Variants in ZNF362 observed in about 807,000 individuals in gnomAD.
The protein encoded by ZNF362 is rotund homolog.
ZNF362 carries 11 observed loss-of-function variants against 42.9 expected under a neutral mutation model. That is an observed-to-expected ratio of 0.26 (90% CI 0.16 to 0.42). The LOEUF is 0.42. ZNF362 is among the 20% of genes least tolerant of loss of function. The pLI is 1.00. For synonymous variants in ZNF362, 255 were observed against 257.3 expected (o/e 0.99, Z 0.09); for missense variants, 362 against 576.2 (o/e 0.63, Z 3.81).
At chr1:33,227,619 C>G in the ZNF362 span, among the ~76,000 whole-genome samples, 1 of 152,156 alleles carries the variant, frequency 6.6e-6, no homozygotes, top group Admixed American at 6.5e-5. Flanking sequence ...TAAACCATTC[C>G]TACAGTGCTC....
the ZNF362 span, chr1:33,176,625 G>A: frequency 2.0e-6 from 1 of 507,556 alleles, no homozygotes; most frequent in African/African-American, 1.9e-5. Context: ...GGCGTCAGCT[G>A]GCACAGATGG....
the ZNF362 span, among the ~76,000 whole-genome samples, chr1:33,170,766 C>T: frequency 6.6e-6 from 1 of 152,190 alleles, no homozygotes; most frequent in East Asian, 1.9e-4. Flanking sequence ...CTGGCTCTAC[C>T]ACCCATTGGG....
In ZNF362 at chr1:33,294,866, A is replaced by C; in HGVS notation, c.909-71A>C. 6.4e-7 allele frequency: 1 copy of C among 1,558,564 alleles called. No individual in the cohort carries two copies. Among genetic ancestry groups the C allele is most frequent in the Non-Finnish European group, 8.8e-7 (1 of 1,131,096 alleles). On this transcript the variant is annotated intron_variant, in intron 6 of 8. Coordinates refer to ENST00000539719, the MANE Select transcript of ZNF362 (RefSeq NM_152493.3). This position sits in a 1 kb window ranked among gnomAD's most constrained non-coding sequence, Gnocchi z 4.2. Reference sequence around the variant, plus strand: ...ACCGAGAGGCTTAGGGGCCAGAGTAAGGACTTGGGAACTGGAGCGGTCTTG... The same window carrying C: ...ACCGAGAGGCTTAGGGGCCAGAGTACGGACTTGGGAACTGGAGCGGTCTTG...
chr1:33,174,945 G>GTGTGTATA, the ZNF362 span, among the ~76,000 whole-genome samples: 54 of 141,740 alleles, frequency 3.8e-4, no homozygotes, highest in African/African-American at 1.5e-3. Context: ...ATATATGTGT[G>GTGTGTATA]TATATATATA....
the ZNF362 span, among the ~76,000 whole-genome samples, chr1:33,202,900 T>C: frequency 2.0e-5 from 3 of 152,206 alleles, no homozygotes; most frequent in African/African-American, 4.8e-5. Flanking sequence ...AATATGATGT[T>C]TGGTATACAT....
At chr1:33,160,050 G>A in the ZNF362 span, 1 of 1,441,954 alleles carries the variant, frequency 6.9e-7, no homozygotes, top group Non-Finnish European at 9.4e-7. Context: ...GAAAGGGTGG[G>A]AAAGGGCACG....
At chr1:33,242,194 C>T in the ZNF362 span, among the ~76,000 whole-genome samples, 1 of 152,012 alleles carries the variant, frequency 6.6e-6, no homozygotes, top group African/African-American at 2.4e-5. Flanking sequence ...GGAGAATTAA[C>T]CTTGTGTAAG....
the ZNF362 span, among the ~76,000 whole-genome samples, chr1:33,209,247 G>A: frequency 6.6e-6 from 1 of 152,206 alleles, no homozygotes; most frequent in African/African-American, 2.4e-5. Flanking sequence ...TGTTGAACCA[G>A]ACTTGCATCC....
chr1:33,298,812 G>A lies in ZNF362; in HGVS notation c.1147-118G>A. ...CATCTGACCCTGCAAAACTGTGGCT[G>A]TCCTCCACCCTCTGAACCGCCTACC... On this transcript the variant is annotated intron_variant, in intron 8 of 8. Coordinates refer to ENST00000539719, the MANE Select transcript of ZNF362 (RefSeq NM_152493.3). The A allele has an allele frequency of 3.7e-6, 3 of 806,724 alleles. No homozygotes were observed. In the Admixed American group the frequency reaches 5.5e-5, roughly 15 times the overall value. The allele number at this position is 806,724 out of a possible 1,614,324, so 50.0% of individuals were successfully genotyped here.
chr1:33,176,293 A>G, the ZNF362 span: 33 of 566,132 alleles, frequency 5.8e-5, no homozygotes, highest in South Asian at 6.9e-4. Flanking sequence ...ATTGGGTAAG[A>G]GGGTGTCACC....
At chr1:33,202,853 T>A in the ZNF362 span, among the ~76,000 whole-genome samples, 3 of 152,098 alleles carry the variant, frequency 2.0e-5, no homozygotes, top group Admixed American at 6.5e-5. Flanking sequence ...TTATTTAAAA[T>A]TTTTATTGTA....
the ZNF362 span, among the ~76,000 whole-genome samples, chr1:33,174,204 G>A: frequency 6.6e-6 from 1 of 150,510 alleles, no homozygotes; most frequent in East Asian, 2.0e-4. Context: ...TTGAGACAGG[G>A]TCTCACTCTG....
In ZNF362 at chr1:33,280,089, C is replaced by T. The variant is rs752701591; in HGVS notation, c.350-35C>T. 1.4e-5 allele frequency: 22 copies of T among 1,526,324 alleles called. No individual in the cohort carries two copies. The highest frequency in any genetic ancestry group is 2.3e-5 in the East Asian group (1 of 43,874). The allele number at this position is 1,526,324 out of a possible 1,614,324, so 94.5% of individuals were successfully genotyped here. The stretch of plus-strand genomic sequence containing the variant: ...GCAGCTGAGCTGGCCTCTGCAGCTC[C>T]GCTCACCCCTGCCCCCACCCACCTG... On this transcript the variant is annotated intron_variant, in intron 4 of 8. Coordinates refer to ENST00000539719, the MANE Select transcript of ZNF362 (RefSeq NM_152493.3). This position sits in a 1 kb window ranked among gnomAD's most constrained non-coding sequence, Gnocchi z 5.6.
the ZNF362 span, among the ~76,000 whole-genome samples, chr1:33,221,056 A>G: frequency 4.6e-5 from 7 of 152,056 alleles, no homozygotes; most frequent in African/African-American, 1.4e-4. Flanking sequence ...TGAAGAAGAG[A>G]CAGGGCCATG....
chr1:33,225,134 A>G, the ZNF362 span, among the ~76,000 whole-genome samples: 1 of 152,128 alleles, frequency 6.6e-6, no homozygotes, highest in Non-Finnish European at 1.5e-5. Flanking sequence ...GACTCTTCAC[A>G]CTGGCTGTTT....
At chr1:33,179,197 A>G in the ZNF362 span, among the ~76,000 whole-genome samples, 150,057 of 152,324 alleles carry the variant, frequency 0.99, 73,956 homozygotes, top group Middle Eastern at 1. Flanking sequence ...GCAGCGCCTA[A>G]AACGATGGCT....
At chr1:33,161,189 T>G in the ZNF362 span, among the ~76,000 whole-genome samples, 1 of 152,354 alleles carries the variant, frequency 6.6e-6, no homozygotes, top group East Asian at 1.9e-4. The surrounding 1 kb of genome is among the most constrained non-coding windows in gnomAD (Gnocchi z 4.3). Flanking sequence ...TATTGAAGAC[T>G]GCAATTCTAA....
chr1:33,299,509 G>A lies in ZNF362; in HGVS notation c.*463G>A, dbSNP rs778600485. ...CTCTTGCCATGGCCTCAGGTCTTGA[G>A]GGAAGGCTCGGGCCTAGGTTTCTGG... On this transcript the variant is annotated 3_prime_UTR_variant, in exon 9 of 9. Coordinates refer to ENST00000539719, the MANE Select transcript of ZNF362 (RefSeq NM_152493.3). 1.3e-5 allele frequency: 2 copies of A among 156,570 alleles called. No individual in the cohort carries two copies. The highest frequency in any genetic ancestry group is 2.4e-5 in the African/African-American group (1 of 41,478). 9.7% of individuals were successfully genotyped at this position (156,570 alleles called of 1,614,324 possible). A position where few individuals can be genotyped will look rare whatever the true frequency, so the allele number is the denominator to read the frequency against.
the ZNF362 span, among the ~76,000 whole-genome samples, chr1:33,169,201 C>T: frequency 3.3e-5 from 5 of 152,064 alleles, no homozygotes; most frequent in Non-Finnish European, 5.9e-5. Context: ...GGGAATGCTG[C>T]GATCGTGTTA....
Sources: gnomAD v4.1 joint callset for allele counts (sites outside exome capture counted in the v4.1 genomes callset) on GRCh38, gnomAD v4.1.1 for gene constraint, Gnocchi (gnomAD v3.1) non-coding constraint, MANE v1.5 for transcripts, NCBI Gene and HGNC (gene_info 2026-07-23, HGNC 2026-07-21) for gene names.